The following DAB1 variants were observed in gnomAD, a reference collection of about 807,000 sequenced individuals.
The protein encoded by DAB1 is DAB adaptor protein 1.
A neutral mutation model predicts 64.6 loss-of-function variants in DAB1; 15 were observed. The ratio of observed to expected loss-of-function variants is 0.23; its 90% CI spans 0.16 to 0.36. The LOEUF is 0.36. Ranked by LOEUF, DAB1 falls within the 10% of genes least tolerant of loss-of-function variation. The pLI is 1.00. For synonymous variants in DAB1, 235 were observed against 251.9 expected (o/e 0.93, Z 0.64); for missense variants, 596 against 706.7 (o/e 0.84, Z 1.78).
At chr1:57,226,354 A>C (rs1667255114) in intron 2 of DAB1, among the ~76,000 whole-genome samples, 2 of 151,914 alleles carry the variant, frequency 1.3e-5, no homozygotes, top group Non-Finnish European at 2.9e-5. Context: ...TCTTCCTTCC[A>C]CGTTTCTCAT....
At chr1:58,138,647 A>T (rs886909776) in intron 5 of DAB1, among the ~76,000 whole-genome samples, 1 of 152,170 alleles carries the variant, frequency 6.6e-6, no homozygotes, top group Admixed American at 6.6e-5. Context: ...AGGAGCCACT[A>T]AAGGTTTCTG....
chr1:57,695,726 CCT>C (rs1234726832), intron 6 of DAB1, among the ~76,000 whole-genome samples: 1 of 152,082 alleles, frequency 6.6e-6, no homozygotes, highest in African/African-American at 2.4e-5. Context: ...TAGTGAAACC[CCT>C]GTCTCTACTG....
intron 7 of DAB1, among the ~76,000 whole-genome samples, chr1:57,070,436 T>C (rs886882124): frequency 1.3e-5 from 2 of 152,188 alleles, no homozygotes; most frequent in South Asian, 2.1e-4. Flanking sequence ...TACCCACCAC[T>C]GAGCTGCAGA....
intron 1 of DAB1, among the ~76,000 whole-genome samples, chr1:57,385,035 G>C (rs894656629): frequency 2.0e-5 from 3 of 152,286 alleles, no homozygotes; most frequent in South Asian, 4.1e-4. Flanking sequence ...AGGTTATACA[G>C]AAACACAAAA....
intron 5 of DAB1, among the ~76,000 whole-genome samples, chr1:58,073,922 C>T (rs924100551): frequency 6.6e-6 from 1 of 152,170 alleles, no homozygotes; most frequent in Non-Finnish European, 1.5e-5. Flanking sequence ...CCCCTGGGGA[C>T]ATCCTCAGCT....
intron 5 of DAB1, among the ~76,000 whole-genome samples, chr1:57,950,487 G>T (rs1019259051): frequency 1.3e-5 from 2 of 152,156 alleles, no homozygotes; most frequent in Non-Finnish European, 1.5e-5. Context: ...GTCCACAGGG[G>T]ATACTTCTAA....
At chr1:57,581,840 C>T (rs986354985) in intron 7 of DAB1, among the ~76,000 whole-genome samples, 4 of 151,998 alleles carry the variant, frequency 2.6e-5, no homozygotes, top group African/African-American at 9.7e-5. Flanking sequence ...GCTGCTTTTG[C>T]TAAGTTTCTG....
intron 4 of DAB1, among the ~76,000 whole-genome samples, chr1:57,117,913 G>A (rs530177230): frequency 8.5e-5 from 13 of 152,256 alleles, no homozygotes; most frequent in African/African-American, 2.4e-4. Context: ...TGGTCCTGAC[G>A]TTGCCTCAAC....
intron 4 of DAB1, among the ~76,000 whole-genome samples, chr1:58,172,344 C>T (rs562525311): frequency 3.0e-4 from 46 of 152,232 alleles, no homozygotes; most frequent in African/African-American, 9.2e-4. Context: ...TTACTGTTTA[C>T]GGGTAGTTGT....
chr1:58,137,372 C>G (rs1654004815), intron 5 of DAB1, among the ~76,000 whole-genome samples: 1 of 152,210 alleles, frequency 6.6e-6, no homozygotes, highest in Admixed American at 6.5e-5. Flanking sequence ...TCCCATTACA[C>G]CACTTCTCAG....
chr1:57,609,616 T>A (rs1302723230), intron 7 of DAB1, among the ~76,000 whole-genome samples: 1 of 152,232 alleles, frequency 6.6e-6, no homozygotes, highest in Non-Finnish European at 1.5e-5. Context: ...TGGATCCCGG[T>A]TTCCTCATCT....
chr1:58,068,052 T>C (rs1648969778), intron 5 of DAB1, among the ~76,000 whole-genome samples: 1 of 152,144 alleles, frequency 6.6e-6, no homozygotes, highest in Non-Finnish European at 1.5e-5. Flanking sequence ...CTCAAACATT[T>C]GAAGTGGAGA....
intron 6 of DAB1, among the ~76,000 whole-genome samples, chr1:57,787,847 G>A (rs996084188): frequency 1.3e-5 from 2 of 151,594 alleles, no homozygotes; most frequent in African/African-American, 4.8e-5. Context: ...TTAAAATGAG[G>A]AAACAATTAA....
chr1:57,402,501 G>T (rs797015603), intron 1 of DAB1, among the ~76,000 whole-genome samples: 11 of 152,218 alleles, frequency 7.2e-5, no homozygotes, highest in African/African-American at 2.6e-4. Context: ...TAAGTCCCAA[G>T]ATATTGCTGC....
Position 57,950,009 on chromosome 1 carries a change from CAG to C in DAB1, n.388-65849_388-65848del, listed in dbSNP as rs566089036. 1.9e-3 allele frequency among the ~76,000 whole-genome samples: 289 copies of C among 152,246 alleles called. 1 individual carries two copies. Among genetic ancestry groups the C allele is most frequent in the African/African-American group, 6.7e-3 (279 of 41,540 alleles). ...AAGGTTGTTGAGCTAGTTGGGTACT[CAG>C]ATAAAATGTCACTCTGCTCTGTTAA... On this transcript the variant is annotated intron_variant and non_coding_transcript_variant, in intron 5 of 20. Transcript: ENST00000485760.
At chr1:57,310,473 C>A (rs561249967) in intron 1 of DAB1, among the ~76,000 whole-genome samples, 2 of 152,164 alleles carry the variant, frequency 1.3e-5, no homozygotes, top group South Asian at 4.2e-4. Flanking sequence ...GATACCAGAG[C>A]TGGGCCCTAG....
chr1:58,055,882 G>GTTATTATTA lies in DAB1; in HGVS notation n.387+94620_387+94628dup, dbSNP rs71246205. On this transcript the variant is annotated intron_variant and non_coding_transcript_variant, in intron 5 of 20. Coordinates refer to the DAB1 transcript ENST00000485760. The stretch of plus-strand genomic sequence containing the variant: ...ACACAGGCATGTGCCATCACACCGA[G>GTTATTATTA]TTATTATTATTATTATTATTATTAT... 7.5e-3 allele frequency among the ~76,000 whole-genome samples: 1,111 copies of GTTATTATTA among 147,692 alleles called. 37 individuals carry two copies. In the East Asian group the frequency reaches 0.1, roughly 14 times the overall value.
chr1:58,473,216 C>T (rs1645380331), intron 3 of DAB1, among the ~76,000 whole-genome samples: 1 of 152,162 alleles, frequency 6.6e-6, no homozygotes. Flanking sequence ...AGTCAAGTCA[C>T]TCAGACTCTC....
At chr1:58,140,859 G>C (rs1654244336) in intron 5 of DAB1, among the ~76,000 whole-genome samples, 1 of 152,180 alleles carries the variant, frequency 6.6e-6, no homozygotes, top group South Asian at 2.1e-4. Context: ...ACTCTTGCAG[G>C]AAATATGAGG....
Sources: gnomAD v4.1 joint callset for allele counts (sites outside exome capture counted in the v4.1 genomes callset) on GRCh38, gnomAD v4.1.1 for gene constraint, MANE v1.5 for transcripts, NCBI Gene and HGNC (gene_info 2026-07-23, HGNC 2026-07-21) for gene names.